The following NT5DC3 variants were observed in gnomAD, a reference collection of about 807,000 sequenced individuals.
NT5DC3 encodes the protein 5'-nucleotidase domain-containing protein 3.
Under a neutral mutation model 67.8 loss-of-function variants are expected in NT5DC3, and 42 were observed. The observed-to-expected ratio is 0.62, with a 90% CI of 0.48 to 0.80. The LOEUF is 0.80. NT5DC3 is among the 30% of genes least tolerant of loss of function. The pLI is 0.00. For missense variants in NT5DC3, 570 were observed against 696.4 expected (o/e 0.82, Z 2.04); for synonymous variants, 237 against 255.6 (o/e 0.93, Z 0.69).
intron 2 of NT5DC3, among the ~76,000 whole-genome samples, chr12:103,811,182 T>TG (rs554839835): frequency 2.1e-3 from 304 of 143,194 alleles, no homozygotes; most frequent in African/African-American, 7.6e-3. Context: ...CCATTCTACC[T>TG]GGGGGGGTAG....
intron 2 of NT5DC3, among the ~76,000 whole-genome samples, chr12:103,813,290 C>T (rs188228064): frequency 1.3e-5 from 2 of 152,344 alleles, no homozygotes; most frequent in Admixed American, 1.3e-4. Context: ...GCTTTCATCT[C>T]ATGATCCAGG....
At chr12:103,826,327 G>A (rs1887694033) in intron 1 of NT5DC3, among the ~76,000 whole-genome samples, 1 of 152,204 alleles carries the variant, frequency 6.6e-6, no homozygotes, top group South Asian at 2.1e-4. Flanking sequence ...GGTTGCAGAT[G>A]GATTAAGATT....
chr12:103,749,343 C>T, the NT5DC3 span, among the ~76,000 whole-genome samples: 2 of 152,108 alleles, frequency 1.3e-5, no homozygotes, highest in East Asian at 3.9e-4. Context: ...AAAAGGACGT[C>T]CATGGAAAAC....
chr12:103,753,173 C>T, the NT5DC3 span: 3 of 1,605,792 alleles, frequency 1.9e-6, no homozygotes, highest in Admixed American at 3.4e-5. Context: ...GGAAACACTG[C>T]CAACCTGGTG....
chr12:103,755,331 G>T, the NT5DC3 span: 7 of 1,614,088 alleles, frequency 4.3e-6, no homozygotes, highest in Non-Finnish European at 5.9e-6. Flanking sequence ...CAGCAGGCTG[G>T]CTGGAGACCG....
chr12:103,796,107 C>A (rs1369662159), intron 6 of NT5DC3, among the ~76,000 whole-genome samples: 2 of 152,226 alleles, frequency 1.3e-5, no homozygotes, highest in African/African-American at 4.8e-5. Flanking sequence ...ATGACTTTTG[C>A]AGGACTTTAG....
At chr12:103,812,097 TA>T (rs1014102896) in intron 2 of NT5DC3, among the ~76,000 whole-genome samples, 5 of 152,150 alleles carry the variant, frequency 3.3e-5, no homozygotes, top group African/African-American at 9.7e-5. Context: ...ACTCAATTTT[TA>T]AAAAAATTTC....
chr12:103,747,918 C>T, the NT5DC3 span, among the ~76,000 whole-genome samples: 4 of 150,688 alleles, frequency 2.7e-5, no homozygotes, highest in Non-Finnish European at 4.4e-5. Context: ...TCACCTGAAC[C>T]CAGGAGGCAG....
chr12:103,823,968 T>A (rs1171896035), intron 1 of NT5DC3, among the ~76,000 whole-genome samples: 5 of 151,528 alleles, frequency 3.3e-5, no homozygotes, highest in African/African-American at 4.9e-5. Flanking sequence ...CCAGTCAGGC[T>A]AGGCACAGGG....
chr12:103,837,334 T>C (rs1000441125), intron 1 of NT5DC3, among the ~76,000 whole-genome samples: 2 of 152,348 alleles, frequency 1.3e-5, no homozygotes, highest in South Asian at 2.1e-4. Context: ...TGAAGGTCTC[T>C]GACATGGCCT....
At chr12:103,758,641 T>C in the NT5DC3 span, among the ~76,000 whole-genome samples, 1 of 152,232 alleles carries the variant, frequency 6.6e-6, no homozygotes, top group Admixed American at 6.5e-5. Context: ...AATGTGCCCC[T>C]GGCCTGATAG....
At chr12:103,817,621 A>G (rs1887317575) in intron 1 of NT5DC3, among the ~76,000 whole-genome samples, 1 of 152,174 alleles carries the variant, frequency 6.6e-6, no homozygotes, top group Non-Finnish European at 1.5e-5. Context: ...CCTTCCCACA[A>G]CCTTAGGAAG....
the NT5DC3 span, chr12:103,753,378 G>A: frequency 1.9e-6 from 3 of 1,614,072 alleles, no homozygotes; most frequent in Non-Finnish European, 2.5e-6. Context: ...AGCAGATTCT[G>A]TGCAGACAGA....
chr12:103,800,028 C>T (rs1008209347), intron 4 of NT5DC3, among the ~76,000 whole-genome samples: 4 of 152,140 alleles, frequency 2.6e-5, no homozygotes, highest in Admixed American at 6.5e-5. Context: ...GGAAATGTCA[C>T]GCTGTGCTAC....
intron 2 of NT5DC3, among the ~76,000 whole-genome samples, chr12:103,811,682 T>C (rs1368796103): frequency 6.6e-6 from 1 of 151,996 alleles, no homozygotes; most frequent in Non-Finnish European, 1.5e-5. Flanking sequence ...AAACCAAAAA[T>C]ATGTGAAGGA....
intron 1 of NT5DC3, among the ~76,000 whole-genome samples, chr12:103,818,326 T>C (rs1887346668): frequency 6.6e-6 from 1 of 151,896 alleles, no homozygotes; most frequent in East Asian, 1.9e-4. Flanking sequence ...CACTGACAGT[T>C]CCATTTCTTT....
chr12:103,796,054 T>C (rs1886298872), intron 6 of NT5DC3, among the ~76,000 whole-genome samples: 1 of 152,170 alleles, frequency 6.6e-6, no homozygotes, highest in African/African-American at 2.4e-5. Flanking sequence ...CACGTAAACA[T>C]TTACATTTGT....
intron 1 of NT5DC3, among the ~76,000 whole-genome samples, chr12:103,840,386 ATC>A (rs1491492222): frequency 1.9e-4 from 24 of 124,558 alleles, no homozygotes; most frequent in African/African-American, 8.6e-4. Context: ...AGCTCATCTC[ATC>A]TCATCTCATC....
chr12:103,803,603 A>G (rs1354561922), intron 4 of NT5DC3, among the ~76,000 whole-genome samples: 1 of 151,798 alleles, frequency 6.6e-6, no homozygotes, highest in Non-Finnish European at 1.5e-5. Context: ...TCCATTAGTT[A>G]TTTTTCCTGA....
Sources: gnomAD v4.1 joint callset for allele counts (sites outside exome capture counted in the v4.1 genomes callset) on GRCh38, gnomAD v4.1.1 for gene constraint, MANE v1.5 for transcripts, NCBI Gene and HGNC (gene_info 2026-07-23, HGNC 2026-07-21) for gene names.